DLC1: variants seen among roughly 807,000 people sequenced by gnomAD.
DLC1 encodes rho GTPase-activating protein 7.
Under a neutral mutation model 140.3 loss-of-function variants are expected in DLC1, and 54 were observed. The ratio of observed to expected loss-of-function variants is 0.38; its 90% confidence interval spans 0.31 to 0.48. The LOEUF is 0.48. DLC1 is among the 20% of genes least tolerant of loss of function. The pLI is 0.96. For synonymous variants in DLC1, 986 were observed against 728.1 expected, an observed-to-expected ratio of 1.35 and a Z score of -5.70; for missense variants, 2,536 against 1,907.0, an observed-to-expected ratio of 1.33 and a Z score of -6.14.
At chr8:13,490,049 A>G (rs1801164751) in intron 2 of DLC1, among the ~76,000 whole-genome samples, 1 of 34,908 alleles carries the variant, frequency 2.9e-5, no homozygotes, top group Admixed American at 2.6e-4. Context: ...AAGGTTAAAT[A>G]CACCCCCCAC....
At chr8:13,506,592 TATATATATATATATATACAC>T (rs1469774386) in intron 1 of DLC1, among the ~76,000 whole-genome samples, 1,763 of 130,568 alleles carry the variant, frequency 0.014, 61 homozygotes, top group African/African-American at 0.046. Context: ...TATATATATA[TATATATATATATATATACAC>T]ATATATATAC....
chr8:13,541,507 G>A (rs920890692), intron 1 of DLC1, among the ~76,000 whole-genome samples: 2 of 152,026 alleles, frequency 1.3e-5, no homozygotes, highest in Non-Finnish European at 2.9e-5. Flanking sequence ...ATCTAATTGT[G>A]GTTTTAATTT....
intron 4 of DLC1, 25 bp from the exon 5 acceptor site, chr8:13,305,327 T>C: frequency 1.3e-6 from 2 of 1,573,408 alleles, no homozygotes; most frequent in South Asian, 2.4e-5. Context: ...ACAAAAATTG[T>C]GGTATTATTA....
At chr8:13,405,584 C>G (rs1013617487) in intron 2 of DLC1, among the ~76,000 whole-genome samples, 2 of 152,114 alleles carry the variant, frequency 1.3e-5, no homozygotes. Context: ...CACTCCCCTT[C>G]CTGTTAGCTT....
At chr8:13,289,886 T>C (rs187787201) in intron 5 of DLC1, among the ~76,000 whole-genome samples, 3 of 152,314 alleles carry the variant, frequency 2.0e-5, no homozygotes, top group Admixed American at 6.5e-5. Flanking sequence ...CCTTAAAAGG[T>C]TGTTGTCCTT....
At chr8:13,555,688 GAC>G (rs935619312) in intron 1 of DLC1, among the ~76,000 whole-genome samples, 7 of 150,902 alleles carry the variant, frequency 4.6e-5, no homozygotes, top group African/African-American at 7.3e-5. Flanking sequence ...TTTTATTAGA[GAC>G]AGGATTTCAC....
In DLC1 at chr8:13,337,227, G is replaced by A. The variant is rs114181909; in HGVS notation, c.1315-31925C>T. On this transcript the variant is annotated intron_variant, in intron 4 of 17. Transcript: ENST00000276297. The stretch of plus-strand genomic sequence containing the variant: ...GCCTATATGAAAAATGTAGAATGTG[G>A]ATATCATTTCCATAACACACATTAG... 5.1e-3 allele frequency among the ~76,000 whole-genome samples: 773 copies of A among 152,186 alleles called. 9 individuals are homozygous for A. Among genetic ancestry groups the A allele is most frequent in the African/African-American group, 0.018 (740 of 41,540 alleles).
intron 5 of DLC1, among the ~76,000 whole-genome samples, chr8:13,293,781 C>T (rs1831848036): frequency 6.6e-6 from 1 of 151,990 alleles, no homozygotes; most frequent in Non-Finnish European, 1.5e-5. Context: ...ACATTTGAAT[C>T]AGAACATATT....
intron 5 of DLC1, among the ~76,000 whole-genome samples, chr8:13,301,480 T>C (rs1003159644): frequency 1.3e-5 from 2 of 152,194 alleles, no homozygotes; most frequent in Non-Finnish European, 2.9e-5. Flanking sequence ...CTACCATTTT[T>C]TGGGACTTAG....
At chr8:13,332,526 G>T in intron 4 of DLC1, among the ~76,000 whole-genome samples, 1 of 151,880 alleles carries the variant, frequency 6.6e-6, no homozygotes, top group East Asian at 1.9e-4. Context: ...CACCTCTGGG[G>T]TTCAAGCGAT....
chr8:13,553,102 C>G (rs538092401), intron 1 of DLC1, among the ~76,000 whole-genome samples: 13 of 150,322 alleles, frequency 8.6e-5, no homozygotes, highest in Middle Eastern at 3.5e-3. Flanking sequence ...TGCAAACACA[C>G]CTAAACCTTG....
intron 1 of DLC1, among the ~76,000 whole-genome samples, chr8:13,504,227 A>C (rs955305666): frequency 1.7e-4 from 25 of 150,694 alleles, no homozygotes; most frequent in African/African-American, 5.9e-4. Flanking sequence ...CCTGGGTTCA[A>C]GTGATTCTCC....
At position 13,453,387 on chromosome 8, in the gene DLC1, G is replaced by GAT. The variant is rs375440831; in HGVS notation, c.1023+45660_1023+45661dup. On this transcript the variant is annotated intron_variant, in intron 2 of 17. Coordinates refer to ENST00000276297, the MANE Select transcript of DLC1 (RefSeq NM_182643.3). ...TTACTAAAAGAATAAGATGGCCCAG[G>GAT]ATATATATATATATGTGTATATATA... Among the ~76,000 whole-genome samples, 519 of 52,378 alleles carry GAT rather than the reference G, an allele frequency of 9.9e-3. 27 individuals carry two copies. Among genetic ancestry groups the GAT allele is most frequent in the East Asian group, 0.035 (44 of 1,240 alleles). 34.4% of individuals were successfully genotyped at this position (52,378 alleles called of 152,430 possible).
chr8:13,395,933 C>T (rs1339303361), intron 3 of DLC1, among the ~76,000 whole-genome samples: 4 of 151,584 alleles, frequency 2.6e-5, no homozygotes, highest in Admixed American at 2.6e-4. Context: ...GGATCAACAT[C>T]AAGTAGTCTT....
intron 4 of DLC1, among the ~76,000 whole-genome samples, chr8:13,330,604 T>C (rs1433137823): frequency 6.6e-6 from 1 of 152,164 alleles, no homozygotes; most frequent in Non-Finnish European, 1.5e-5. Flanking sequence ...ACGTCTTCTT[T>C]GCTAATCAAG....
Position 13,499,418 on chromosome 8 carries a change from A to G in DLC1, c.654T>C (p.Asp218=). 1 of 1,613,868 alleles carries G rather than the reference A, an allele frequency of 6.2e-7. No individual in the cohort carries two copies. Among genetic ancestry groups the G allele is most frequent in the Non-Finnish European group, 8.5e-7 (1 of 1,179,960 alleles). The part of the protein sequence containing the change: ...VNAVDTLNVK[D]IAPEKQLLNS... ...TAAGCAATTGTTTCTCAGGTGCAAT[A>G]TCTTTCACGTTCAAAGTATCCACTG... The change falls in exon 2 of 18, where the codon GAT becomes GAC. Residue 218 remains aspartate, a synonymous_variant. Transcript: ENST00000276297.
At position 13,084,873 on chromosome 8, in the gene DLC1, C is replaced by CT. The variant is rs1216648454; in HGVS notation, c.*937dup. 2 of 152,126 alleles carry CT rather than the reference C, an allele frequency of 1.3e-5. No homozygotes were observed. Among genetic ancestry groups the CT allele is most frequent in the African/African-American group, 4.8e-5 (2 of 41,424 alleles). 9.4% of individuals were successfully genotyped at this position (152,126 alleles called of 1,614,324 possible). On this transcript the variant is annotated 3_prime_UTR_variant, in exon 18 of 18. Coordinates refer to ENST00000276297, the MANE Select transcript of DLC1 (RefSeq NM_182643.3). ...TACAAACACAAAAATGCAAAGAATT[C>CT]TAACAGGGAAAAAGTGTTGATGCTT... is the stretch of plus-strand genomic sequence containing the variant.
chr8:13,516,716 G>A (rs1802600855), upstream of DLC1, among the ~76,000 whole-genome samples: 1 of 152,166 alleles, frequency 6.6e-6, no homozygotes, highest in African/African-American at 2.4e-5. Context: ...CAAGAAAGAA[G>A]TCTGTTCTTC....
chr8:13,421,781 A>G (rs954162241), intron 2 of DLC1, among the ~76,000 whole-genome samples: 1 of 152,184 alleles, frequency 6.6e-6, no homozygotes, highest in African/African-American at 2.4e-5. Context: ...TGCATAAGGA[A>G]ACCAAACAAT....
Sources: gnomAD v4.1 joint callset for allele counts (sites outside exome capture counted in the v4.1 genomes callset) on GRCh38, gnomAD v4.1.1 for gene constraint, MANE v1.5 for transcripts, NCBI Gene and HGNC (gene_info 2026-07-23, HGNC 2026-07-21) for gene names.